Variants in SDAD1 observed in about 807,000 individuals in gnomAD.
The protein encoded by SDAD1 is protein SDA1 homolog.
A neutral mutation model predicts 100.3 loss-of-function variants in SDAD1; 79 were observed. The observed-to-expected ratio is 0.79, with a 90% CI of 0.66 to 0.95. The LOEUF is 0.95. SDAD1 is among the 40% of genes least tolerant of loss of function. The probability of loss-of-function intolerance (pLI) is 0.00; values close to 1 mark genes in which losing one functional copy is unlikely to be tolerated. For synonymous variants in SDAD1, 267 were observed against 271.4 expected (o/e 0.98, Z 0.16); for missense variants, 790 against 810.9 (o/e 0.97, Z 0.31).
At chr4:75,969,868 A>G (rs186694896) in intron 10 of SDAD1, among the ~76,000 whole-genome samples, 2 of 152,308 alleles carry the variant, frequency 1.3e-5, no homozygotes, top group African/African-American at 4.8e-5. Flanking sequence ...TCTGGAGATA[A>G]CAGGACCCAA....
intron 8 of SDAD1, 39 bp downstream of exon 8, chr4:75,973,278 T>C: frequency 7.2e-6 from 11 of 1,522,586 alleles, no homozygotes; most frequent in East Asian, 2.3e-5. Flanking sequence ...AGAGCAATAA[T>C]AAAAGGTAAG....
rs1731220835 is a variant in SDAD1 at position 75,990,786 on chromosome 4, A to C, written c.56T>G (p.Leu19Arg). 2 of 1,614,068 alleles carry C rather than the reference A, an allele frequency of 1.2e-6. No homozygotes were observed. The highest frequency in any genetic ancestry group is 1.7e-5 in the Admixed American group (1 of 60,022). ...LPSNLPQLQNLIKRDPPAYIE... is the reference protein window; with the variant it reads ...LPSNLPQLQNRIKRDPPAYIE... ...GTAGGCCGGCGGGTCTCGCTTGATT[A>C]GATTCTGTAACTGCGGCAGGTTGCT... The change falls in exon 1 of 22, where the codon CTA becomes CGA. Residue 19 changes from leucine to arginine, a missense_variant. Coordinates refer to ENST00000356260, the MANE Select transcript of SDAD1 (RefSeq NM_018115.4).
chr4:75,963,738 G>A (rs1303187970), intron 14 of SDAD1, among the ~76,000 whole-genome samples: 4 of 152,060 alleles, frequency 2.6e-5, no homozygotes, highest in Non-Finnish European at 2.9e-5. Context: ...ATGCAGCAAC[G>A]AGGCCCCCAC....
intron 1 of SDAD1, among the ~76,000 whole-genome samples, chr4:75,990,508 T>TG (rs1731191290): frequency 6.6e-6 from 1 of 152,144 alleles, no homozygotes; most frequent in Non-Finnish European, 1.5e-5. Flanking sequence ...AATGAGGTTT[T>TG]AAAGGTGTTT....
chr4:75,962,062 C>T (rs940032623), intron 14 of SDAD1, among the ~76,000 whole-genome samples: 27 of 152,292 alleles, frequency 1.8e-4, no homozygotes, highest in Middle Eastern at 3.4e-3. Flanking sequence ...CGCCACCCCA[C>T]GACAGGCCCC....
At chr4:75,953,562 C>T (rs7654539) in intron 21 of SDAD1, among the ~76,000 whole-genome samples, 69 of 152,216 alleles carry the variant, frequency 4.5e-4, no homozygotes, top group Middle Eastern at 3.4e-3. Context: ...TTAAAAATGC[C>T]GTCATTATTT....
chr4:75,988,709 A>T (rs753976309), intron 1 of SDAD1, among the ~76,000 whole-genome samples: 3 of 152,196 alleles, frequency 2.0e-5, no homozygotes, highest in Non-Finnish European at 2.9e-5. Context: ...ATAGCAGGTA[A>T]TCAACAGTAT....
In SDAD1 at chr4:75,950,744, A is replaced by T; in HGVS notation, c.*6T>A. Reference sequence around the variant, plus strand: ...TTCTTCTAGGAATGGAAAACTTGCCAGGAAGTTACTTCATTCTTTTTCTCT... The same window carrying T: ...TTCTTCTAGGAATGGAAAACTTGCCTGGAAGTTACTTCATTCTTTTTCTCT... On this transcript the variant is annotated 3_prime_UTR_variant, in exon 22 of 22. Coordinates refer to ENST00000356260, the MANE Select transcript of SDAD1 (RefSeq NM_018115.4). 6.3e-7 allele frequency: 1 copy of T among 1,582,580 alleles called. No individual in the cohort carries two copies. Among genetic ancestry groups the T allele is most frequent in the Non-Finnish European group, 8.7e-7 (1 of 1,155,644 alleles).
At chr4:75,959,851 A>C (rs558277141) in intron 17 of SDAD1, among the ~76,000 whole-genome samples, 19 of 152,328 alleles carry the variant, frequency 1.2e-4, no homozygotes, top group Admixed American at 1.2e-3. Context: ...AGCCACCCCG[A>C]AGGTCATGAA....
rs200602729 is a variant in SDAD1 at position 75,967,259 on chromosome 4, T to G, written c.1045+18A>C. The G allele has an allele frequency of 6.2e-7, 1 of 1,612,274 alleles. No homozygotes were observed. The highest frequency in any genetic ancestry group is 1.1e-5 in the South Asian group (1 of 91,040). ...TATTACCAAGGCCACCAAAGAAACA[T>G]GGCAAGTGGCAGCTTACCTCTTTGG... On this transcript the variant is annotated intron_variant, in intron 12 of 21. Coordinates refer to ENST00000356260, the MANE Select transcript of SDAD1 (RefSeq NM_018115.4).
intron 21 of SDAD1, among the ~76,000 whole-genome samples, chr4:75,954,762 G>T (rs778974784): frequency 6.6e-6 from 1 of 152,168 alleles, no homozygotes; most frequent in Admixed American, 6.5e-5. Context: ...ATGAACGGAC[G>T]TGCAGTCAGG....
At position 75,984,885 on chromosome 4, in the gene SDAD1, T is replaced by A. The variant is rs114344384; in HGVS notation, c.91-2848A>T. ...TCCAGTCACCTGTCTGACATCTCTGTTTAGGTGTCTAAACAGACATCATAA... is the reference window on the plus strand; with the variant it reads ...TCCAGTCACCTGTCTGACATCTCTGATTAGGTGTCTAAACAGACATCATAA... On this transcript the variant is annotated intron_variant, in intron 1 of 21. Transcript: ENST00000356260. Among the ~76,000 whole-genome samples the A allele has an allele frequency of 5.8e-3, 887 of 152,128 alleles. 22 individuals carry two copies. The highest frequency in any genetic ancestry group is 0.02 in the African/African-American group (841 of 41,494).
chr4:75,960,957 C>T (rs1729194890), intron 16 of SDAD1, 71 bp downstream of exon 16: 2 of 1,267,936 alleles, frequency 1.6e-6, no homozygotes, highest in Non-Finnish European at 2.3e-6. Context: ...TACTAAAATC[C>T]TAATTGTAGG....
intron 12 of SDAD1, 149 bp from the exon 13 acceptor site, chr4:75,965,971 A>T (rs1729515841): frequency 1.6e-6 from 1 of 625,284 alleles, no homozygotes; most frequent in Admixed American, 3.2e-5. Flanking sequence ...TGCTTGGCTT[A>T]CCCCCTCACT....
At chr4:75,984,836 T>C (rs1255666605) in intron 1 of SDAD1, among the ~76,000 whole-genome samples, 1 of 142,646 alleles carries the variant, frequency 7.0e-6, no homozygotes, top group Non-Finnish European at 1.5e-5. Flanking sequence ...CCCTACCTGG[T>C]CCAGTGAACT....
At chr4:75,964,626 G>T (rs1021397528) in intron 13 of SDAD1, among the ~76,000 whole-genome samples, 1 of 152,150 alleles carries the variant, frequency 6.6e-6, no homozygotes, top group African/African-American at 2.4e-5. Flanking sequence ...GTGAGGGAAG[G>T]GGGGACAGTA....
chr4:75,977,204 T>C (rs1162455479), intron 4 of SDAD1, among the ~76,000 whole-genome samples: 1 of 151,790 alleles, frequency 6.6e-6, no homozygotes, highest in East Asian at 1.9e-4. Context: ...TGTGGGGGAG[T>C]GGGTCAGTTA....
chr4:75,984,313 C>T (rs1033417945), intron 1 of SDAD1, among the ~76,000 whole-genome samples: 1 of 152,104 alleles, frequency 6.6e-6, no homozygotes, highest in African/African-American at 2.4e-5. Flanking sequence ...AGACGTTCAC[C>T]ACCATACCCA....
chr4:75,971,305 CAT>C, intron 9 of SDAD1, 50 bp downstream of exon 9: 1 of 1,238,426 alleles, frequency 8.1e-7, no homozygotes, highest in Non-Finnish European at 1.2e-6. Context: ...CTAACGACAA[CAT>C]ATTCTTCACT....
Sources: gnomAD v4.1 joint callset for allele counts (sites outside exome capture counted in the v4.1 genomes callset) on GRCh38, gnomAD v4.1.1 for gene constraint, MANE v1.5 for transcripts, NCBI Gene and HGNC (gene_info 2026-07-23, HGNC 2026-07-21) for gene names.